Variants in PRAMEF2 observed in about 807,000 individuals in gnomAD.
PRAMEF2 encodes the protein PRAME family member 2.
PRAMEF2 carries 35 observed loss-of-function variants against 38.0 expected under a neutral mutation model. The ratio of observed to expected loss-of-function variants is 0.92; its 90% CI spans 0.70 to 1.22. The LOEUF (loss-of-function observed/expected upper bound fraction) is 1.22, where lower values mean the gene tolerates loss of function less well. PRAMEF2 is among the 50% of genes most tolerant of loss of function. The probability of loss-of-function intolerance (pLI) is 0.00; values close to 1 mark genes in which losing one functional copy is unlikely to be tolerated. For synonymous variants in PRAMEF2, 240 were observed against 232.4 expected, an observed-to-expected ratio of 1.03 and a Z score of -0.30; for missense variants, 562 against 553.9, an observed-to-expected ratio of 1.01 and a Z score of -0.15.
In PRAMEF2 at chr1:12,861,719, C is replaced by T. The variant is rs1640558068; in HGVS notation, c.1365C>T (p.Thr455=). ...CCAAGAGGATCTTCATTGGCCCCAC[C>T]CCCTGCCCTTCCTGTGGCTCATCAC... ...RQPKRIFIGP[T]PCPSCGSSPS... The change falls in exon 4 of 4, where the codon ACC becomes ACT. Residue 455 remains threonine (T), a synonymous_variant. Transcript: ENST00000240189. 1.3e-6 allele frequency: 2 copies of T among 1,588,300 alleles called. No homozygotes were observed. The highest frequency in any genetic ancestry group is 8.6e-7 in the Non-Finnish European group (1 of 1,166,764).
At chr1:12,860,313 G>T (rs1344470111) in intron 3 of PRAMEF2, 42 bp downstream of exon 3, 3 of 1,600,666 alleles carry the variant, frequency 1.9e-6, no homozygotes, top group Non-Finnish European at 1.7e-6. Context: ...CCACAGCACA[G>T]ACTTGTTCTG....
chr1:12,860,035 G>A lies in PRAMEF2; in HGVS notation c.630G>A (p.Leu210=). Residue 210 remains leucine, a synonymous_variant, in exon 3 of 4, where the codon CTG becomes CTA. Coordinates refer to ENST00000240189, the MANE Select transcript of PRAMEF2 (RefSeq NM_023014.1). ...KIIYINSIGE[L]EIHNTCWPHL... ...TATACATTAATAGTATTGGGGAGCT[G>A]GAAATTCACAACACGTGCTGGCCAC... The A allele has an allele frequency of 1.2e-6, 2 of 1,606,852 alleles. 1 individual carries two copies. The highest frequency in any genetic ancestry group is 1.7e-6 in the Non-Finnish European group (2 of 1,176,572).
Position 12,861,669 on chromosome 1 carries a change from T to C in PRAMEF2, c.1315T>C (p.Cys439Arg), listed in dbSNP as rs780096923. 6.3e-7 allele frequency: 1 copy of C among 1,580,492 alleles called. No homozygotes were observed. The highest frequency in any genetic ancestry group is 2.2e-5 in the East Asian group (1 of 44,504). ...IFTPLRAELMCTLREFRQPKR... is the reference protein window; with the variant it reads ...IFTPLRAELMRTLREFRQPKR... ...CACCCCACTTCGGGCTGAGCTGATGTGTACACTGAGGGAATTCAGGCAGCC... is the reference window on the plus strand; with the variant it reads ...CACCCCACTTCGGGCTGAGCTGATGCGTACACTGAGGGAATTCAGGCAGCC... Residue 439 changes from cysteine (C) to arginine (R), a missense_variant, in exon 4 of 4, where the codon TGT (cysteine) becomes CGT (arginine). By Grantham distance (180) the Cys-to-Arg change is radical. Coordinates refer to ENST00000240189, the MANE Select transcript of PRAMEF2 (RefSeq NM_023014.1).
At chr1:12,860,497 G>A (rs1381548971) in intron 3 of PRAMEF2, among the ~76,000 whole-genome samples, 1 of 148,608 alleles carries the variant, frequency 6.7e-6, no homozygotes, top group Non-Finnish European at 1.5e-5. Context: ...AGCTAGAGAG[G>A]GACATCATGT....
chr1:12,859,047 C>T lies in PRAMEF2; in HGVS notation c.38C>T (p.Ala13Val), dbSNP rs758430078. 1.4e-5 allele frequency: 22 copies of T among 1,603,976 alleles called. 2 individuals carry two copies. Among genetic ancestry groups the T allele is most frequent in the Middle Eastern group, 2.1e-4 (1 of 4,674 alleles). Residue 13 changes from alanine to valine, a missense_variant, in exon 2 of 4, where the codon GCG becomes GTG. By Grantham distance (64) the Ala-to-Val change is moderately conservative. Around this residue, in one of 2 missense-constraint regions of PRAMEF2, gnomAD observed 486 missense variants for 444.2 expected, o/e 1.09. Transcript: ENST00000240189. ...GCCCCACCGAGACTACTGGAGCTGG[C>T]GGGGCAGAGCCTGCTGAGAGACCAG... ...IQAPPRLLELAGQSLLRDQAL... is the reference protein window; with the variant it reads ...IQAPPRLLELVGQSLLRDQAL...
intron 1 of PRAMEF2, among the ~76,000 whole-genome samples, chr1:12,858,678 A>G (rs904613673): frequency 3.3e-5 from 5 of 149,862 alleles, no homozygotes; most frequent in African/African-American, 1.2e-4. Flanking sequence ...TTTTCCTCAA[A>G]GAGGTAGAGC....
rs376186859 is a variant in PRAMEF2, at chr1:12,860,050, G to C, written c.645G>C (p.Thr215=). The change falls in exon 3 of 4, where the codon ACG becomes ACC. Residue 215 remains threonine, a synonymous_variant. Coordinates refer to ENST00000240189, the MANE Select transcript of PRAMEF2 (RefSeq NM_023014.1). ...NSIGELEIHN[T]CWPHLIRKLY... is the part of the protein sequence containing the mutation. ...TTGGGGAGCTGGAAATTCACAACAC[G>C]TGCTGGCCACATCTGATAAGAAAGC... The C allele has an allele frequency of 2.5e-6, 4 of 1,606,750 alleles. No homozygotes were observed. Among genetic ancestry groups the C allele is most frequent in the Non-Finnish European group, 3.4e-6 (4 of 1,176,532 alleles).
In PRAMEF2 at chr1:12,859,715, G is replaced by T; in HGVS notation, c.310G>T (p.Asp104Tyr). The T allele has an allele frequency of 1.2e-6, 2 of 1,606,634 alleles. No homozygotes were observed. Among genetic ancestry groups the T allele is most frequent in the South Asian group, 2.2e-5 (2 of 90,806 alleles). Reference sequence around the variant, plus strand: ...CAGGAGGTGGAAACTTCAAGTGCTGGATTTGCGGGATGTTGATGAGAATTT... The same window carrying T: ...CAGGAGGTGGAAACTTCAAGTGCTGTATTTGCGGGATGTTGATGAGAATTT... The part of the protein sequence containing the change: ...RPRRWKLQVL[D>Y]LRDVDENFWA... The change falls in exon 3 of 4, where the codon GAT (aspartate) becomes TAT (tyrosine). Residue 104 changes from aspartate to tyrosine, a missense_variant. Coordinates refer to ENST00000240189, the MANE Select transcript of PRAMEF2 (RefSeq NM_023014.1).
In PRAMEF2 at chr1:12,859,153, C is replaced by T; in HGVS notation, c.144C>T (p.His48=). 1 of 1,607,984 alleles carries T rather than the reference C, an allele frequency of 6.2e-7. No individual in the cohort carries two copies. The highest frequency in any genetic ancestry group is 8.5e-7 in the Non-Finnish European group (1 of 1,177,180). Residue 48 remains histidine, a synonymous_variant, in exon 2 of 4, where the codon CAC becomes CAT. Transcript: ENST00000240189. Reference sequence around the variant, plus strand: ...TCAGGGAGGCCTTCAGCAGGAGACACTTCCAGACTCTGACGGTGATGGTGC... The same window carrying T: ...TCAGGGAGGCCTTCAGCAGGAGACATTTCCAGACTCTGACGGTGATGGTGC... ...PLFREAFSRR[H]FQTLTVMVQA...
At chr1:12,858,315 G>T (rs1640479382) in intron 1 of PRAMEF2, among the ~76,000 whole-genome samples, 2 of 150,264 alleles carry the variant, frequency 1.3e-5, no homozygotes, top group East Asian at 1.9e-4. Flanking sequence ...GGAGTGCAGT[G>T]GTGTGATGTC....
rs1640518592 is a variant in PRAMEF2 at position 12,860,025 on chromosome 1, T to C, written c.620T>C (p.Ile207Thr). The C allele has an allele frequency of 2.5e-6, 4 of 1,606,924 alleles. No individual in the cohort carries two copies. The highest frequency in any genetic ancestry group is 3.4e-6 in the Non-Finnish European group (4 of 1,176,576). Residue 207 changes from isoleucine to threonine, a missense_variant, in exon 3 of 4, where the codon ATT becomes ACT. This residue lies in a region of PRAMEF2 where 486 missense variants were observed against 444.2 expected (regional missense o/e 1.09). Coordinates refer to ENST00000240189, the MANE Select transcript of PRAMEF2 (RefSeq NM_023014.1). ...TTGAAAATAATATACATTAATAGTA[T>C]TGGGGAGCTGGAAATTCACAACACG... ...KSLKIIYINS[I>T]GELEIHNTCW... is the part of the protein sequence containing the mutation.
chr1:12,858,201 G>A lies in PRAMEF2; in HGVS notation c.-25-784G>A, dbSNP rs556418231. Among the ~76,000 whole-genome samples, 11 of 149,928 alleles carry A rather than the reference G, an allele frequency of 7.3e-5. 1 individual carries two copies. In the East Asian group the frequency reaches 2.1e-3, roughly 29 times the overall value. ...TTCTCCTTCCTCTGCCTCCAGAGTA[G>A]CTAGGATTACAGTCATGCATGACCA... On this transcript the variant is annotated intron_variant, in intron 1 of 3. Coordinates refer to ENST00000240189, the MANE Select transcript of PRAMEF2 (RefSeq NM_023014.1).
In PRAMEF2 at chr1:12,860,725, C is replaced by T. The variant is rs9726436; in HGVS notation, c.866+454C>T. ...TGTCTTTAATTCCCTGTCTGCAAAA[C>T]GTTGTTTTGAACTCCAGGAAAGGTA... On this transcript the variant is annotated intron_variant, in intron 3 of 3. Coordinates refer to ENST00000240189, the MANE Select transcript of PRAMEF2 (RefSeq NM_023014.1). 8.0e-5 allele frequency among the ~76,000 whole-genome samples: 12 copies of T among 149,810 alleles called. 2 individuals carry two copies. Among genetic ancestry groups the T allele is most frequent in the Non-Finnish European group, 1.3e-4 (9 of 67,524 alleles).
chr1:12,859,362 G>A, intron 2 of PRAMEF2, 66 bp downstream of exon 2: 1 of 1,604,340 alleles, frequency 6.2e-7, no homozygotes, highest in South Asian at 1.1e-5. Context: ...GCAGGGTCAG[G>A]CAGAGAAGTA....
chr1:12,859,658 C>G lies in PRAMEF2; in HGVS notation c.288-35C>G, dbSNP rs1640508809. The G allele has an allele frequency of 2.5e-6, 4 of 1,605,448 alleles. No individual in the cohort carries two copies. The East Asian group carries it at 8.9e-5, about 36-fold the overall frequency. On this transcript the variant is annotated intron_variant, in intron 2 of 3. Transcript: ENST00000240189. ...AAGCAAAGGTCAGGGATGAGTCCCT[C>G]TAAATTCTGAGCCTCTCCCTTACTT...
intron 1 of PRAMEF2, among the ~76,000 whole-genome samples, chr1:12,858,440 T>G (rs1157177921): frequency 4.0e-5 from 6 of 150,018 alleles, no homozygotes; most frequent in Admixed American, 2.1e-4. Flanking sequence ...TGACCTCAAG[T>G]GATCTGCCTG....
At chr1:12,857,330 C>A (rs1640465893) in intron 1 of PRAMEF2, among the ~76,000 whole-genome samples, 183 bp downstream of exon 1, 1 of 149,598 alleles carries the variant, frequency 6.7e-6, no homozygotes, top group South Asian at 2.1e-4. Flanking sequence ...GTGATTTGTG[C>A]TTGGTTTTTG....
chr1:12,859,404 G>A (rs1640502696), intron 2 of PRAMEF2, 108 bp downstream of exon 2: 4 of 1,573,458 alleles, frequency 2.5e-6, no homozygotes, highest in Non-Finnish European at 3.5e-6. Flanking sequence ...TTCTGATGGT[G>A]TTGGCGAGGA....
chr1:12,857,461 A>G (rs1186878538), intron 1 of PRAMEF2, among the ~76,000 whole-genome samples: 1 of 145,968 alleles, frequency 6.9e-6, no homozygotes, highest in South Asian at 2.2e-4. Context: ...ATTACAGTTC[A>G]TAGACTTGGT....
Sources: allele counts gnomAD v4.1 joint callset (sites outside exome capture counted in the v4.1 genomes callset), GRCh38; gene constraint gnomAD v4.1.1; regional missense constraint gnomAD v4.1.1; transcripts MANE v1.5; gene names NCBI Gene and HGNC (gene_info 2026-07-23, HGNC 2026-07-21).